MEIS1: variants seen among roughly 807,000 people sequenced by gnomAD.
The protein encoded by MEIS1 is homeobox protein Meis1.
In MEIS1, 5 loss-of-function variants were observed where a neutral mutation model predicts 50.8. The observed-to-expected ratio is 0.10, with a 90% CI of 0.05 to 0.21. The LOEUF (loss-of-function observed/expected upper bound fraction) is 0.21. Among genes scored for constraint, MEIS1 ranks in the 10% least tolerant of loss-of-function variants. The probability of loss-of-function intolerance (pLI) is 1.00; values close to 1 mark genes in which losing one functional copy is unlikely to be tolerated. For synonymous variants in MEIS1, 176 were observed against 179.3 expected, an observed-to-expected ratio of 0.98 and a Z score of 0.15; for missense variants, 318 against 517.3, an observed-to-expected ratio of 0.61 and a Z score of 3.74.
intron 7 of MEIS1, among the ~76,000 whole-genome samples, chr2:66,473,579 T>C (rs922751640): frequency 2.6e-5 from 4 of 151,898 alleles, no homozygotes; most frequent in African/African-American, 9.7e-5. Flanking sequence ...GGGAACAAAG[T>C]TACAGGTCCT....
At chr2:66,529,516 A>G (rs546629096) in intron 8 of MEIS1, among the ~76,000 whole-genome samples, 4 of 152,300 alleles carry the variant, frequency 2.6e-5, no homozygotes, top group Admixed American at 1.3e-4. Context: ...GGCTCACTGC[A>G]GCCTCCACCT....
intron 6 of MEIS1, among the ~76,000 whole-genome samples, chr2:66,456,738 GAAAGTGGAT>G (rs1362079835): frequency 6.6e-6 from 1 of 152,254 alleles, no homozygotes; most frequent in Non-Finnish European, 1.5e-5. Context: ...AGTTGGTGGA[GAAAGTGGAT>G]AAAGTGTGTG....
chr2:66,563,686 A>C (rs931036177), intron 9 of MEIS1, among the ~76,000 whole-genome samples: 21 of 152,264 alleles, frequency 1.4e-4, no homozygotes, highest in African/African-American at 5.1e-4. Flanking sequence ...AATTTATTTA[A>C]ACAGATAGAG....
chr2:66,476,858 T>C (rs1052714731), intron 7 of MEIS1, among the ~76,000 whole-genome samples: 1 of 151,956 alleles, frequency 6.6e-6, no homozygotes, highest in Non-Finnish European at 1.5e-5. Context: ...AGAGCAAGTC[T>C]ATGATGGAAA....
At chr2:66,535,679 T>C (rs1432597535) in intron 8 of MEIS1, among the ~76,000 whole-genome samples, 1 of 152,208 alleles carries the variant, frequency 6.6e-6, no homozygotes, top group Admixed American at 6.5e-5. Flanking sequence ...AGACAGACAG[T>C]GAATTCACAT....
At chr2:66,446,731 G>A (rs1197948306) in intron 6 of MEIS1, among the ~76,000 whole-genome samples, 1 of 152,196 alleles carries the variant, frequency 6.6e-6, no homozygotes, top group African/African-American at 2.4e-5. Context: ...GAACCAGAGA[G>A]CCACGCTCGC....
chr2:66,459,380 G>T (rs572455484), intron 6 of MEIS1, among the ~76,000 whole-genome samples: 8 of 152,156 alleles, frequency 5.3e-5, no homozygotes, highest in Non-Finnish European at 1.2e-4. Context: ...TTGTATACCA[G>T]GGTAAGGACC....
chr2:66,568,105 C>CTT (rs371137568), intron 10 of MEIS1: 20 of 147,084 alleles, frequency 1.4e-4, no homozygotes, highest in South Asian at 2.1e-4. Flanking sequence ...TGGTGTTCGA[C>CTT]TTTTTTTTTT....
At chr2:66,455,291 A>G (rs187859438) in intron 6 of MEIS1, among the ~76,000 whole-genome samples, 1 of 152,300 alleles carries the variant, frequency 6.6e-6, no homozygotes, top group African/African-American at 2.4e-5. Context: ...CTTTGGTTGT[A>G]ATTATTCCTT....
chr2:66,567,640 A>G, intron 10 of MEIS1, 129 bp downstream of exon 10: 1 of 826,050 alleles, frequency 1.2e-6, no homozygotes, highest in South Asian at 1.4e-5. Flanking sequence ...ATTAAAATTA[A>G]ACCAGTTTCG....
At chr2:66,560,100 C>CTTTTTT (rs70947304) in intron 9 of MEIS1, among the ~76,000 whole-genome samples, 1 of 124,940 alleles carries the variant, frequency 8.0e-6, no homozygotes, top group African/African-American at 3.1e-5. Flanking sequence ...CCTGCCATCA[C>CTTTTTT]TTTTTTTTTT....
intron 8 of MEIS1, among the ~76,000 whole-genome samples, chr2:66,518,191 T>C (rs534811445): frequency 6.6e-6 from 1 of 152,322 alleles, no homozygotes; most frequent in Non-Finnish European, 1.5e-5. Context: ...AGTCCAACTT[T>C]AAAATTGCTT....
At chr2:66,549,500 T>G (rs1243999728) in intron 9 of MEIS1, among the ~76,000 whole-genome samples, 1 of 152,104 alleles carries the variant, frequency 6.6e-6, no homozygotes, top group Non-Finnish European at 1.5e-5. Flanking sequence ...ATTTCATATT[T>G]GAAATATGAA....
intron 7 of MEIS1, among the ~76,000 whole-genome samples, chr2:66,495,080 CTTT>C (rs70943701): frequency 1.7e-3 from 158 of 91,492 alleles, no homozygotes; most frequent in African/African-American, 6.2e-3. Context: ...CTCTTCTGAC[CTTT>C]TTTTTTTTTT....
chr2:66,544,755 A>T (rs1674748469), intron 8 of MEIS1, among the ~76,000 whole-genome samples: 1 of 152,150 alleles, frequency 6.6e-6, no homozygotes. Flanking sequence ...GTTTGTTCCA[A>T]TTACTTAAAA....
intron 9 of MEIS1, among the ~76,000 whole-genome samples, chr2:66,558,162 C>G (rs909292393): frequency 2.0e-5 from 3 of 151,120 alleles, no homozygotes; most frequent in Admixed American, 6.6e-5. Context: ...GCCTGTAATC[C>G]CAGCTACTTG....
At chr2:66,484,985 A>G (rs1307201302) in intron 7 of MEIS1, among the ~76,000 whole-genome samples, 2 of 152,090 alleles carry the variant, frequency 1.3e-5, no homozygotes, top group East Asian at 3.9e-4. Flanking sequence ...ATATAGGACG[A>G]GATTTTTTTT....
chr2:66,568,643 A>G, intron 10 of MEIS1, 24 bp from the exon 11 acceptor site: 1 of 1,598,140 alleles, frequency 6.3e-7, no homozygotes, highest in South Asian at 1.1e-5. Flanking sequence ...TGTTATTAAA[A>G]AACCACATTC....
intron 9 of MEIS1, among the ~76,000 whole-genome samples, chr2:66,564,175 G>A (rs1223266619): frequency 6.6e-6 from 1 of 152,144 alleles, no homozygotes; most frequent in Non-Finnish European, 1.5e-5. Context: ...CTCAGAAAAG[G>A]TGATTAGTTT....
Sources: allele counts gnomAD v4.1 joint callset (sites outside exome capture counted in the v4.1 genomes callset), GRCh38; gene constraint gnomAD v4.1.1; transcripts MANE v1.5; gene names NCBI Gene and HGNC (gene_info 2026-07-23, HGNC 2026-07-21).